Variants in CSMD1 observed in about 807,000 individuals in gnomAD.
The protein encoded by CSMD1 is CUB and sushi domain-containing protein 1.
A neutral mutation model predicts 417.5 loss-of-function variants in CSMD1; 213 were observed. The observed-to-expected ratio is 0.51, with a 90% confidence interval of 0.46 to 0.57. The LOEUF is 0.57. Ranked by LOEUF, CSMD1 falls within the 20% of genes least tolerant of loss-of-function variation. The pLI is 0.00. For synonymous variants in CSMD1, 2,862 were observed against 1,736.8 expected (o/e 1.65, Z -16.11); for missense variants, 6,923 against 4,529.7 (o/e 1.53, Z -15.17).
intron 23 of CSMD1, among the ~76,000 whole-genome samples, chr8:3,333,246 C>A (rs1369440945): frequency 2.0e-5 from 3 of 152,184 alleles, no homozygotes; most frequent in Non-Finnish European, 4.4e-5. Context: ...CCCAGCCAAG[C>A]CGTGTCTGGG....
rs1458370432 is a variant in CSMD1 at position 3,435,441 on chromosome 8, C to G, written c.1562-25836G>C. Among the ~76,000 whole-genome samples, 3 of 152,094 alleles carry G rather than the reference C, an allele frequency of 2.0e-5. No homozygotes were observed. The East Asian group carries it at 5.8e-4, about 30-fold the overall frequency. ...ACATCACCTGTGGATGCCTATTGAA[C>G]ACATCCCACTCTTAGACCACCACAT... On this transcript the variant is annotated intron_variant, in intron 12 of 69. Coordinates refer to ENST00000635120, the MANE Select transcript of CSMD1 (RefSeq NM_033225.6).
intron 6 of CSMD1, among the ~76,000 whole-genome samples, chr8:3,745,797 T>A (rs998723693): frequency 6.6e-6 from 1 of 152,228 alleles, no homozygotes; most frequent in South Asian, 2.1e-4. Flanking sequence ...ACAAGCAATG[T>A]AACCTGTGCC....
chr8:3,468,666 C>T (rs777587111), intron 12 of CSMD1, 46 bp downstream of exon 12: 32 of 1,255,278 alleles, frequency 2.5e-5, no homozygotes, highest in Admixed American at 1.8e-4. Context: ...TCTGCCCTCT[C>T]TTGGAATGCT....
chr8:4,760,139 A>T (rs1201301468), intron 1 of CSMD1, among the ~76,000 whole-genome samples: 1 of 152,230 alleles, frequency 6.6e-6, no homozygotes, highest in Non-Finnish European at 1.5e-5. Flanking sequence ...TTAATGGCTC[A>T]CACAGGATGT....
intron 5 of CSMD1, among the ~76,000 whole-genome samples, chr8:3,895,969 G>C (rs1437992838): frequency 6.6e-6 from 1 of 152,164 alleles, no homozygotes; most frequent in Non-Finnish European, 1.5e-5. Context: ...AGATAGTCCT[G>C]TTAACCTCCC....
intron 5 of CSMD1, among the ~76,000 whole-genome samples, chr8:3,803,397 G>C (rs1322085970): frequency 6.6e-6 from 1 of 152,290 alleles, no homozygotes; most frequent in East Asian, 1.9e-4. Context: ...CGCTGGAGAG[G>C]AAACAGGTAG....
chr8:3,349,659 A>G (rs1248229900), intron 21 of CSMD1, among the ~76,000 whole-genome samples: 2 of 150,880 alleles, frequency 1.3e-5, no homozygotes, highest in Non-Finnish European at 2.9e-5. Flanking sequence ...TTGTATAATT[A>G]TAATTCTGTA....
intron 12 of CSMD1, among the ~76,000 whole-genome samples, chr8:3,429,381 G>A (rs771044855): frequency 3.3e-5 from 5 of 152,186 alleles, no homozygotes; most frequent in African/African-American, 4.8e-5. Flanking sequence ...AGTTAAACAT[G>A]TAGTTAATAT....
chr8:2,946,531 G>A (rs560333616), intron 68 of CSMD1, among the ~76,000 whole-genome samples: 1 of 152,218 alleles, frequency 6.6e-6, no homozygotes, highest in South Asian at 2.1e-4. Flanking sequence ...TTGGCATGAC[G>A]TTTTCAAGGT....
intron 2 of CSMD1, among the ~76,000 whole-genome samples, chr8:4,468,363 A>G (rs1028433302): frequency 2.6e-5 from 4 of 152,332 alleles, no homozygotes; most frequent in African/African-American, 7.2e-5. Flanking sequence ...CCTTTTAAAA[A>G]CCATTAATAA....
At chr8:4,323,854 T>C (rs1445761701) in intron 3 of CSMD1, among the ~76,000 whole-genome samples, 5 of 152,144 alleles carry the variant, frequency 3.3e-5, no homozygotes, top group Admixed American at 6.5e-5. Flanking sequence ...ACTGAGAGTT[T>C]AGCTTAAGGC....
At chr8:4,350,735 C>G (rs1484322023) in intron 3 of CSMD1, among the ~76,000 whole-genome samples, 2 of 152,182 alleles carry the variant, frequency 1.3e-5, no homozygotes, top group African/African-American at 4.8e-5. Context: ...GTCACATTTG[C>G]TCTTCTCTAA....
At chr8:3,581,925 C>T (rs1207476429) in intron 9 of CSMD1, among the ~76,000 whole-genome samples, 1 of 152,134 alleles carries the variant, frequency 6.6e-6, no homozygotes, top group Non-Finnish European at 1.5e-5. Flanking sequence ...CTGCCTCAGC[C>T]TCCCGAGTAG....
intron 10 of CSMD1, among the ~76,000 whole-genome samples, chr8:3,518,956 A>G (rs1222365861): frequency 1.3e-5 from 2 of 152,220 alleles, no homozygotes; most frequent in Non-Finnish European, 2.9e-5. Context: ...GTTTCAACAC[A>G]ACAATGTTAT....
intron 25 of CSMD1, among the ~76,000 whole-genome samples, chr8:3,287,728 T>A (rs1358341199): frequency 6.6e-6 from 1 of 152,154 alleles, no homozygotes; most frequent in Non-Finnish European, 1.5e-5. Flanking sequence ...TTTCTCCATA[T>A]ACAATCACGT....
intron 3 of CSMD1, among the ~76,000 whole-genome samples, chr8:4,164,989 G>C (rs1180489436): frequency 6.6e-6 from 1 of 152,046 alleles, no homozygotes; most frequent in East Asian, 1.9e-4. Flanking sequence ...AATTATTGTA[G>C]AGTTTCCTAT....
chr8:3,883,835 G>A (rs1806375802), intron 5 of CSMD1, among the ~76,000 whole-genome samples: 1 of 151,718 alleles, frequency 6.6e-6, no homozygotes, highest in Non-Finnish European at 1.5e-5. Flanking sequence ...AGGAATGAAT[G>A]CATTTAACAA....
At chr8:3,764,253 A>T (rs1798152924) in intron 5 of CSMD1, among the ~76,000 whole-genome samples, 1 of 152,140 alleles carries the variant, frequency 6.6e-6, no homozygotes, top group African/African-American at 2.4e-5. Context: ...CTTCTCTTCC[A>T]GCTACACACT....
intron 2 of CSMD1, among the ~76,000 whole-genome samples, chr8:4,448,034 G>T (rs115956550): frequency 6.6e-6 from 1 of 152,128 alleles, no homozygotes; most frequent in Non-Finnish European, 1.5e-5. Context: ...AAGTGGTTCC[G>T]CATGAGGTTT....
Sources: gnomAD v4.1 joint callset for allele counts (sites outside exome capture counted in the v4.1 genomes callset) on GRCh38, gnomAD v4.1.1 for gene constraint, MANE v1.5 for transcripts, NCBI Gene and HGNC (gene_info 2026-07-23, HGNC 2026-07-21) for gene names.